The following KALRN variants were observed in gnomAD, a reference collection of about 807,000 sequenced individuals.
KALRN encodes the protein kalirin RhoGEF kinase, also known as kalirin.
Under a neutral mutation model 353.7 loss-of-function variants are expected in KALRN, and 70 were observed. That is an observed-to-expected ratio of 0.20 (90% CI 0.16 to 0.24). The LOEUF (loss-of-function observed/expected upper bound fraction) is 0.24, where lower values mean the gene tolerates loss of function less well. KALRN is among the 10% of genes least tolerant of loss of function. KALRN has a pLI of 1.00. For synonymous variants in KALRN, 1,391 were observed against 1,434.8 expected (o/e 0.97, Z 0.69); for missense variants, 2,791 against 3,756.7 (o/e 0.74, Z 6.72).
At chr3:124,609,479 G>A (rs2077697043) in intron 34 of KALRN, among the ~76,000 whole-genome samples, 1 of 152,216 alleles carries the variant, frequency 6.6e-6, no homozygotes, top group Admixed American at 6.5e-5. Context: ...GTGTATACAT[G>A]TATTTGCACT....
At chr3:124,436,254 A>G (rs2093456537) in intron 17 of KALRN, among the ~76,000 whole-genome samples, 1 of 152,140 alleles carries the variant, frequency 6.6e-6, no homozygotes, top group African/African-American at 2.4e-5. Flanking sequence ...AAGAAATTTT[A>G]CCCTGAAGTG....
rs561186386 is a variant in KALRN at position 124,385,086 on chromosome 3, C to T, written c.1962+50C>T. On this transcript the variant is annotated intron_variant, in intron 11 of 59. Coordinates refer to ENST00000682506, the MANE Select transcript of KALRN (RefSeq NM_001388419.1). ...GCATTCTGTCCTGCCAGGGTCAGGT[C>T]GGCTTCCTAGTAAAATGGCCCTGAA... 1.6e-5 allele frequency: 24 copies of T among 1,493,494 alleles called. No individual in the cohort carries two copies. The East Asian group carries it at 3.0e-4, about 19-fold the overall frequency. The allele number at this position is 1,493,494 out of a possible 1,614,324, so 92.5% of individuals were successfully genotyped here.
intron 1 of KALRN, among the ~76,000 whole-genome samples, chr3:124,042,283 A>G (rs2149085766): frequency 6.6e-6 from 1 of 152,352 alleles, no homozygotes; most frequent in East Asian, 1.9e-4. Flanking sequence ...TGATTCCTTT[A>G]TCAAATATTT....
At chr3:124,278,483 G>GTGTGTGTGTA (rs1168706357) in intron 5 of KALRN, among the ~76,000 whole-genome samples, 1 of 150,710 alleles carries the variant, frequency 6.6e-6, no homozygotes, top group African/African-American at 2.4e-5. Context: ...GTGTGTGTGT[G>GTGTGTGTGTA]TGTGTGGTGC....
chr3:124,647,645 A>G (rs1030320972), intron 37 of KALRN, among the ~76,000 whole-genome samples: 1 of 152,156 alleles, frequency 6.6e-6, no homozygotes, highest in Non-Finnish European at 1.5e-5. Context: ...TAGATTATGG[A>G]GGCCAGGGAG....
intron 10 of KALRN, among the ~76,000 whole-genome samples, chr3:124,369,077 G>A (rs962330428): frequency 6.6e-6 from 1 of 152,152 alleles, no homozygotes; most frequent in African/African-American, 2.4e-5. Context: ...GAGAGGGAGA[G>A]GGAGAGGACA....
At chr3:124,404,963 A>C (rs535124154) in intron 13 of KALRN, among the ~76,000 whole-genome samples, 9 of 152,306 alleles carry the variant, frequency 5.9e-5, no homozygotes, top group Non-Finnish European at 1.2e-4. Context: ...CAACATTGCA[A>C]CTGTATCAAG....
intron 1 of KALRN, among the ~76,000 whole-genome samples, chr3:124,045,639 C>G (rs1440194234): frequency 6.6e-6 from 1 of 152,032 alleles, no homozygotes; most frequent in Non-Finnish European, 1.5e-5. Flanking sequence ...TATTCTTACA[C>G]TCATTTATCG....
chr3:124,477,644 C>T (rs2061556149), intron 27 of KALRN, among the ~76,000 whole-genome samples: 1 of 152,170 alleles, frequency 6.6e-6, no homozygotes, highest in African/African-American at 2.4e-5. Flanking sequence ...ATATATTTCA[C>T]TTCTGCTTCA....
chr3:124,289,915 A>G (rs1371899713), intron 5 of KALRN, among the ~76,000 whole-genome samples: 1 of 152,172 alleles, frequency 6.6e-6, no homozygotes, highest in Non-Finnish European at 1.5e-5. Context: ...GGATATTCAC[A>G]TGGAGAGGGT....
At chr3:124,341,564 A>G (rs2081718791) in intron 9 of KALRN, among the ~76,000 whole-genome samples, 1 of 152,242 alleles carries the variant, frequency 6.6e-6, no homozygotes, top group South Asian at 2.1e-4. Context: ...GTGGAGATGC[A>G]CAAAGAGAGA....
At chr3:124,615,616 G>A (rs185228866) in intron 34 of KALRN, among the ~76,000 whole-genome samples, 32 of 152,306 alleles carry the variant, frequency 2.1e-4, no homozygotes, top group South Asian at 2.1e-4. Flanking sequence ...TGTACTAGTC[G>A]TGTAACCTTT....
intron 57 of KALRN, among the ~76,000 whole-genome samples, chr3:124,705,356 T>C (rs1273940487): frequency 2.0e-5 from 3 of 152,162 alleles, no homozygotes; most frequent in Non-Finnish European, 4.4e-5. Flanking sequence ...TAAAGTATTA[T>C]TTTCACAGAA....
At chr3:124,279,146 T>C (rs1332429394) in intron 5 of KALRN, among the ~76,000 whole-genome samples, 1 of 152,130 alleles carries the variant, frequency 6.6e-6, no homozygotes, top group Non-Finnish European at 1.5e-5. Flanking sequence ...AGGCCTCCTG[T>C]GGGGGACAGA....
intron 3 of KALRN, among the ~76,000 whole-genome samples, chr3:124,236,430 C>T (rs1055187439): frequency 9.2e-5 from 14 of 152,000 alleles, no homozygotes; most frequent in African/African-American, 3.4e-4. Context: ...AGCACTTTTC[C>T]TAAGTAAGTG....
At chr3:124,580,604 C>A (rs985853096) in intron 34 of KALRN, among the ~76,000 whole-genome samples, 1 of 152,274 alleles carries the variant, frequency 6.6e-6, no homozygotes, top group East Asian at 1.9e-4. Flanking sequence ...AACTAATAAA[C>A]CTGGTCACAT....
At chr3:124,351,342 G>A (rs955404963) in intron 10 of KALRN, among the ~76,000 whole-genome samples, 6 of 152,140 alleles carry the variant, frequency 3.9e-5, no homozygotes, top group Non-Finnish European at 5.9e-5. Context: ...GGAGCCTGGG[G>A]TAACTTATAA....
At chr3:124,584,177 G>A (rs900673042) in intron 34 of KALRN, among the ~76,000 whole-genome samples, 2 of 152,128 alleles carry the variant, frequency 1.3e-5, no homozygotes, top group African/African-American at 2.4e-5. Flanking sequence ...CAAACCCAGA[G>A]TGTGTTTTCA....
At chr3:124,072,528 G>A (rs1437297309) in intron 1 of KALRN, among the ~76,000 whole-genome samples, 1 of 152,134 alleles carries the variant, frequency 6.6e-6, no homozygotes, top group Non-Finnish European at 1.5e-5. Flanking sequence ...GCCCATAGAG[G>A]TTTCCTGGAG....
Sources: gnomAD v4.1 joint callset for allele counts (sites outside exome capture counted in the v4.1 genomes callset) on GRCh38, gnomAD v4.1.1 for gene constraint, MANE v1.5 for transcripts, NCBI Gene and HGNC (gene_info 2026-07-23, HGNC 2026-07-21) for gene names.